The following SPPL3 variants were observed in gnomAD, a reference collection of about 807,000 sequenced individuals.
SPPL3 encodes signal peptide peptidase like 3, also known as signal peptide peptidase-like 3.
Under a neutral mutation model 42.4 loss-of-function variants are expected in SPPL3, and 5 were observed. That is an observed-to-expected ratio of 0.12 (90% CI 0.06 to 0.25). The LOEUF is 0.25. Ranked by LOEUF, SPPL3 falls within the 10% of genes least tolerant of loss-of-function variation. SPPL3 has a pLI of 1.00. For missense variants in SPPL3, 235 were observed against 489.0 expected, an observed-to-expected ratio of 0.48 and a Z score of 4.90; for synonymous variants, 195 against 181.8, an observed-to-expected ratio of 1.07 and a Z score of -0.58.
At chr12:120,780,674 G>A (rs1461453149) in intron 6 of SPPL3, among the ~76,000 whole-genome samples, 1 of 151,212 alleles carries the variant, frequency 6.6e-6, no homozygotes, top group Non-Finnish European at 1.5e-5. Flanking sequence ...GATCACCTGA[G>A]GTCAGGGGTT....
At chr12:120,766,417 T>G (rs1177639888) in intron 9 of SPPL3, 45 bp from the exon 10 acceptor site, 1 of 1,493,400 alleles carries the variant, frequency 6.7e-7, no homozygotes, top group Non-Finnish European at 9.1e-7. Flanking sequence ...AGGGAACCCG[T>G]GTCACCTGGC....
chr12:120,813,916 G>GC (rs895101119), intron 1 of SPPL3, among the ~76,000 whole-genome samples: 7 of 151,890 alleles, frequency 4.6e-5, no homozygotes, highest in African/African-American at 1.7e-4. Context: ...TTGCCCTCAG[G>GC]CCCCCTCCAA....
chr12:120,836,223 A>G (rs1372190263), intron 1 of SPPL3, among the ~76,000 whole-genome samples: 1 of 151,824 alleles, frequency 6.6e-6, no homozygotes, highest in Non-Finnish European at 1.5e-5. Flanking sequence ...TATCCTTGCA[A>G]CTTTCTCCAA....
chr12:120,822,054 T>C (rs540604174), intron 1 of SPPL3, among the ~76,000 whole-genome samples: 4 of 152,178 alleles, frequency 2.6e-5, no homozygotes, highest in East Asian at 1.9e-4. Flanking sequence ...GGCAAATTCA[T>C]AGAAAAAGAA....
chr12:120,838,337 T>G (rs1871691146), intron 1 of SPPL3, among the ~76,000 whole-genome samples: 1 of 152,180 alleles, frequency 6.6e-6, no homozygotes, highest in East Asian at 1.9e-4. Flanking sequence ...CCAGCATACT[T>G]TCTTCCTTCC....
rs528942020 is a variant in SPPL3 at position 120,900,173 on chromosome 12, C to T, written c.23+3672G>A. On this transcript the variant is annotated intron_variant, in intron 1 of 10. Coordinates refer to ENST00000353487, the MANE Select transcript of SPPL3 (RefSeq NM_139015.5). ...TGCCAATAATTTACATCTTATTATA[C>T]GAAAATCCTAAGGGAGCCCATCTGC... 1.6e-3 allele frequency among the ~76,000 whole-genome samples: 249 copies of T among 152,174 alleles called. 1 individual carries two copies. Among genetic ancestry groups the T allele is most frequent in the African/African-American group, 5.6e-3 (232 of 41,534 alleles).
At chr12:120,809,978 T>A (rs11065274) in intron 2 of SPPL3, among the ~76,000 whole-genome samples, 4,795 of 130,778 alleles carry the variant, frequency 0.037, 106 homozygotes, top group South Asian at 0.099. Context: ...CATAAAAAAA[T>A]TTTTTTTTTT....
At chr12:120,813,665 T>C (rs1870766220) in intron 1 of SPPL3, among the ~76,000 whole-genome samples, 1 of 145,918 alleles carries the variant, frequency 6.9e-6, no homozygotes, top group Non-Finnish European at 1.5e-5. Flanking sequence ...TATTTATGGG[T>C]ATGTTAAAAA....
Position 120,764,924 on chromosome 12 carries a change from G to C in SPPL3, c.*75C>G. Reference sequence around the variant, plus strand: ...AGGTACATTTCTGAGTACCAGGCCAGCTCTAAGAGGAAACAAACCATGAGT... The same window carrying C: ...AGGTACATTTCTGAGTACCAGGCCACCTCTAAGAGGAAACAAACCATGAGT... On this transcript the variant is annotated 3_prime_UTR_variant, in exon 11 of 11. Coordinates refer to ENST00000353487, the MANE Select transcript of SPPL3 (RefSeq NM_139015.5). 6.6e-7 allele frequency: 1 copy of C among 1,513,052 alleles called. No individual in the cohort carries two copies. The highest frequency in any genetic ancestry group is 9.1e-7 in the Non-Finnish European group (1 of 1,101,834). 93.7% of individuals were successfully genotyped at this position (1,513,052 alleles called of 1,614,324 possible).
intron 8 of SPPL3, among the ~76,000 whole-genome samples, chr12:120,767,797 C>T (rs1432108975): frequency 6.6e-6 from 1 of 152,164 alleles, no homozygotes; most frequent in Non-Finnish European, 1.5e-5. Flanking sequence ...CACCTTGGCC[C>T]CCCTGTTTCA....
At chr12:120,841,429 T>TAC (rs1871828539) in intron 1 of SPPL3, among the ~76,000 whole-genome samples, 1 of 86,072 alleles carries the variant, frequency 1.2e-5, no homozygotes, top group Non-Finnish European at 3.6e-5. Context: ...AAAAAATAGT[T>TAC]ATATATATAT....
intron 2 of SPPL3, among the ~76,000 whole-genome samples, chr12:120,809,565 T>C (rs1029985130): frequency 2.0e-5 from 3 of 152,216 alleles, no homozygotes; most frequent in African/African-American, 7.2e-5. Context: ...TATAATTCCT[T>C]GAGCAGCATT....
At chr12:120,844,501 T>C (rs1311279328) in intron 1 of SPPL3, among the ~76,000 whole-genome samples, 1 of 152,092 alleles carries the variant, frequency 6.6e-6, no homozygotes, top group Non-Finnish European at 1.5e-5. Context: ...CTGATCTCAA[T>C]CTTACCCTTC....
chr12:120,900,591 C>T (rs1234839378), intron 1 of SPPL3, among the ~76,000 whole-genome samples: 3 of 120,298 alleles, frequency 2.5e-5, no homozygotes, highest in Admixed American at 8.7e-5. Flanking sequence ...GAGACCCTGT[C>T]TCAAGGAAAA....
At chr12:120,829,912 T>C (rs1404813705) in intron 1 of SPPL3, among the ~76,000 whole-genome samples, 1 of 150,592 alleles carries the variant, frequency 6.6e-6, no homozygotes, top group African/African-American at 2.4e-5. Context: ...GAGAATCACT[T>C]GAATGCGCGA....
At chr12:120,886,400 CACA>C (rs1873462933) in intron 1 of SPPL3, among the ~76,000 whole-genome samples, 1 of 152,208 alleles carries the variant, frequency 6.6e-6, no homozygotes, top group Admixed American at 6.5e-5. Flanking sequence ...AGATCAAATT[CACA>C]ACCTTACTCT....
intron 1 of SPPL3, among the ~76,000 whole-genome samples, chr12:120,880,736 G>A (rs1193590374): frequency 6.6e-6 from 1 of 150,686 alleles, no homozygotes; most frequent in African/African-American, 2.5e-5. Context: ...GCAGTGAGCC[G>A]AGATCACACC....
intron 7 of SPPL3, 59 bp from the exon 8 acceptor site, chr12:120,768,547 T>A: frequency 6.5e-7 from 1 of 1,541,650 alleles, no homozygotes. Context: ...GCTTTCAGCA[T>A]CAGCCCTCCT....
intron 1 of SPPL3, among the ~76,000 whole-genome samples, chr12:120,834,288 C>T (rs1487518507): frequency 6.6e-6 from 1 of 152,156 alleles, no homozygotes; most frequent in Non-Finnish European, 1.5e-5. Context: ...CTAACCAGTT[C>T]CAAGCCAACT....
Sources: gnomAD v4.1 joint callset for allele counts (sites outside exome capture counted in the v4.1 genomes callset) on GRCh38, gnomAD v4.1.1 for gene constraint, MANE v1.5 for transcripts, NCBI Gene and HGNC (gene_info 2026-07-23, HGNC 2026-07-21) for gene names.